The following MAN1C1 variants were observed in gnomAD, a reference collection of about 807,000 sequenced individuals.
MAN1C1 encodes the protein mannosidase alpha class 1C member 1.
Under a neutral mutation model 71.5 loss-of-function variants are expected in MAN1C1, and 49 were observed. That is an observed-to-expected ratio of 0.69 (90% CI 0.54 to 0.87). MAN1C1 has a LOEUF of 0.87. MAN1C1 is among the 40% of genes least tolerant of loss of function. The probability of loss-of-function intolerance (pLI) is 0.00; values close to 1 mark genes in which losing one functional copy is unlikely to be tolerated. For synonymous variants in MAN1C1, 352 were observed against 343.7 expected (o/e 1.02, Z -0.27); for missense variants, 743 against 835.0 (o/e 0.89, Z 1.36).
chr1:25,708,067 C>T (rs978067560), intron 2 of MAN1C1, among the ~76,000 whole-genome samples: 16 of 152,034 alleles, frequency 1.1e-4, no homozygotes, highest in Admixed American at 9.2e-4. Flanking sequence ...GAATTTGGGG[C>T]GAGTCCATAA....
intron 2 of MAN1C1, among the ~76,000 whole-genome samples, chr1:25,710,383 G>A (rs1219547140): frequency 6.6e-6 from 1 of 152,170 alleles, no homozygotes; most frequent in Non-Finnish European, 1.5e-5. Flanking sequence ...GCTTGTTGTT[G>A]TTCATTCATC....
At chr1:25,673,228 AG>A (rs2046017722) in intron 1 of MAN1C1, among the ~76,000 whole-genome samples, 1 of 152,152 alleles carries the variant, frequency 6.6e-6, no homozygotes, top group African/African-American at 2.4e-5. Flanking sequence ...GGGCAGGCGG[AG>A]CACCTGCGAA....
Position 25,776,929 on chromosome 1 carries a change from A to C in MAN1C1, c.1258-1176A>C, listed in dbSNP as rs1209767660. On this transcript the variant is annotated intron_variant, in intron 8 of 11. Transcript: ENST00000374332. This position sits in a 1 kb window ranked among gnomAD's most constrained non-coding sequence, Gnocchi z 4.3. ...TGAGGCAGTTAATGCTCTTATCCCC[A>C]GTTTACACGTTAGGAAACTGAGGCA... Among the ~76,000 whole-genome samples the C allele has an allele frequency of 6.6e-6, 1 of 152,150 alleles. No homozygotes were observed. Among genetic ancestry groups the C allele is most frequent in the Non-Finnish European group, 1.5e-5 (1 of 68,032 alleles).
intron 2 of MAN1C1, among the ~76,000 whole-genome samples, chr1:25,706,193 C>T (rs2046519336): frequency 6.6e-6 from 1 of 152,198 alleles, no homozygotes; most frequent in Non-Finnish European, 1.5e-5. Flanking sequence ...TTCCTCTCTT[C>T]CAGCTCTTTA....
At chr1:25,690,882 A>G (rs2046299134) in intron 2 of MAN1C1, among the ~76,000 whole-genome samples, 1 of 152,206 alleles carries the variant, frequency 6.6e-6, no homozygotes. Flanking sequence ...TGAAGAATGC[A>G]TGGCAGAGTC....
Position 25,616,890 on chromosome 1 carries a change from T to G in MAN1C1, c.-908T>G, listed in dbSNP as rs1340712999. ...GCAGGCTCGGCGGCAGCGGCCGGTC[T>G]GGAGCGGCCGCTGCGAGGAAGACAG... On this transcript the variant is annotated 5_prime_UTR_variant, in exon 1 of 12. Coordinates refer to ENST00000374332, the MANE Select transcript of MAN1C1 (RefSeq NM_020379.4). The surrounding 1 kb of genome is among the most constrained non-coding windows in gnomAD (Gnocchi z 5.6). Among the ~76,000 whole-genome samples, 1 of 148,184 alleles carries G rather than the reference T, an allele frequency of 6.7e-6. No individual in the cohort carries two copies. The highest frequency in any genetic ancestry group is 1.5e-5 in the Non-Finnish European group (1 of 66,366).
chr1:25,758,094 G>A (rs2047313263), intron 5 of MAN1C1, among the ~76,000 whole-genome samples: 1 of 152,218 alleles, frequency 6.6e-6, no homozygotes. Flanking sequence ...AGTGTGCTGG[G>A]AGAGGGAAAG....
chr1:25,765,310 C>T (rs998125525), intron 7 of MAN1C1, among the ~76,000 whole-genome samples: 11 of 152,164 alleles, frequency 7.2e-5, no homozygotes, highest in African/African-American at 2.4e-4. Context: ...CTCTGGGAAG[C>T]AGAGGCAGGC....
intron 1 of MAN1C1, among the ~76,000 whole-genome samples, chr1:25,680,579 G>A (rs2046137882): frequency 6.6e-6 from 1 of 152,190 alleles, no homozygotes; most frequent in South Asian, 2.1e-4. Context: ...TAGCATTTGT[G>A]CATCTGGCAT....
At chr1:25,659,105 T>C (rs1056351577) in intron 1 of MAN1C1, 3 of 152,302 alleles carry the variant, frequency 2.0e-5, no homozygotes, top group African/African-American at 7.2e-5. Context: ...TGTTCCCTGA[T>C]CTAAGCCCAG....
At chr1:25,710,459 T>TTAA in intron 2 of MAN1C1, among the ~76,000 whole-genome samples, 1 of 152,254 alleles carries the variant, frequency 6.6e-6, no homozygotes, top group Non-Finnish European at 1.5e-5. Flanking sequence ...AGAACAGACC[T>TTAA]TAATAATAAT....
intron 7 of MAN1C1, among the ~76,000 whole-genome samples, chr1:25,766,344 G>T (rs1372346509): frequency 5.3e-5 from 8 of 151,542 alleles, no homozygotes; most frequent in African/African-American, 1.9e-4. Context: ...GTGGTTTTTT[G>T]TTGGTTTTTT....
At chr1:25,713,822 G>A (rs2046644749) in intron 2 of MAN1C1, among the ~76,000 whole-genome samples, 1 of 152,156 alleles carries the variant, frequency 6.6e-6, no homozygotes, top group African/African-American at 2.4e-5. Flanking sequence ...CCAGAGTTTG[G>A]ACTTCGCTGG....
intron 1 of MAN1C1, among the ~76,000 whole-genome samples, chr1:25,663,040 G>A (rs965727067): frequency 1.3e-5 from 2 of 150,896 alleles, no homozygotes; most frequent in Non-Finnish European, 2.9e-5. Flanking sequence ...GCAGTGAGCC[G>A]AGATCATGCC....
At chr1:25,629,510 A>G (rs2124752342) in intron 1 of MAN1C1, among the ~76,000 whole-genome samples, 1 of 152,284 alleles carries the variant, frequency 6.6e-6, no homozygotes, top group Non-Finnish European at 1.5e-5. Flanking sequence ...ATCTTGGCTC[A>G]CTGCAGCCTC....
chr1:25,673,628 C>T (rs561230059), intron 1 of MAN1C1, among the ~76,000 whole-genome samples: 1 of 152,318 alleles, frequency 6.6e-6, no homozygotes, highest in South Asian at 2.1e-4. Flanking sequence ...TCCAAAGACA[C>T]ACAGCTGGGT....
At chr1:25,659,921 T>C (rs1038230956) in intron 1 of MAN1C1, among the ~76,000 whole-genome samples, 1 of 152,258 alleles carries the variant, frequency 6.6e-6, no homozygotes, top group African/African-American at 2.4e-5. Flanking sequence ...TATAATGATA[T>C]GTCGCAGCCC....
At chr1:25,627,722 G>A (rs1368737179) in intron 1 of MAN1C1, among the ~76,000 whole-genome samples, 3 of 152,066 alleles carry the variant, frequency 2.0e-5, no homozygotes, top group Non-Finnish European at 2.9e-5. Context: ...GAACAAATTT[G>A]TCACTTTCCA....
At chr1:25,695,961 A>AG (rs1370857990) in intron 2 of MAN1C1, among the ~76,000 whole-genome samples, 1 of 152,088 alleles carries the variant, frequency 6.6e-6, no homozygotes, top group African/African-American at 2.4e-5. Context: ...TTCATTTCGA[A>AG]GGGGGTATTG....
Sources: allele counts gnomAD v4.1 joint callset (sites outside exome capture counted in the v4.1 genomes callset), GRCh38; gene constraint gnomAD v4.1.1; non-coding constraint Gnocchi (gnomAD v3.1); transcripts MANE v1.5; gene names NCBI Gene and HGNC (gene_info 2026-07-23, HGNC 2026-07-21).